NUP54: variants seen among roughly 807,000 people sequenced by gnomAD.
NUP54 encodes the protein nucleoporin 54.
In NUP54, 27 loss-of-function variants were observed where a neutral mutation model predicts 66.4. The ratio of observed to expected loss-of-function variants is 0.41; its 90% CI spans 0.30 to 0.56. The LOEUF is 0.56. Among genes scored for constraint, NUP54 ranks in the 20% least tolerant of loss-of-function variants. The pLI is 0.34. For missense variants in NUP54, 486 were observed against 596.3 expected, an observed-to-expected ratio of 0.82 and a Z score of 1.93; for synonymous variants, 206 against 210.7, an observed-to-expected ratio of 0.98 and a Z score of 0.19.
intron 3 of NUP54, among the ~76,000 whole-genome samples, chr4:76,141,887 T>TA (rs59605708): frequency 0.13 from 19,951 of 151,960 alleles, 1,541 homozygotes; most frequent in East Asian, 0.35. Flanking sequence ...ATTTATGCAT[T>TA]AAAAAAACTG....
At chr4:76,129,970 T>G (rs1488485444) in intron 8 of NUP54, among the ~76,000 whole-genome samples, 1 of 20,982 alleles carries the variant, frequency 4.8e-5, no homozygotes, top group African/African-American at 3.9e-4. Flanking sequence ...ATGAAAGTTT[T>G]TTTTTTTTTT....
intron 6 of NUP54, among the ~76,000 whole-genome samples, 153 bp from the exon 7 acceptor site, chr4:76,131,437 A>G (rs764346929): frequency 6.6e-6 from 1 of 152,108 alleles, no homozygotes; most frequent in Non-Finnish European, 1.5e-5. Flanking sequence ...AAATTTTTGC[A>G]GAATAAATAA....
At chr4:76,132,814 A>C in intron 5 of NUP54, 95 bp from the exon 6 acceptor site, 1 of 909,454 alleles carries the variant, frequency 1.1e-6, no homozygotes, top group South Asian at 1.8e-5. Context: ...GAAGGGTTTA[A>C]GTTGAATTCA....
rs746489551 is a variant in NUP54, at chr4:76,115,417, G to A, written c.1473C>T (p.Val491=). The A allele has an allele frequency of 1.5e-5, 24 of 1,610,816 alleles. No individual in the cohort carries two copies. The highest frequency in any genetic ancestry group is 1.1e-4 in the East Asian group (5 of 44,672). The change falls in exon 12 of 12, where the codon GTC becomes GTT. Residue 491 remains valine, a synonymous_variant. Coordinates refer to ENST00000264883, the MANE Select transcript of NUP54 (RefSeq NM_017426.4). ...GGATGGTTTCATTCAATCCATGTTC[G>A]ACCAGCTTTATATCTTCTAGATCGT... is the stretch of plus-strand genomic sequence containing the variant. The part of the protein sequence containing the change: ...IKDDLEDIKL[V]EHGLNETIHI...
At chr4:76,125,673 G>A (rs1403280588) in intron 8 of NUP54, among the ~76,000 whole-genome samples, 1 of 25,534 alleles carries the variant, frequency 3.9e-5, no homozygotes, top group East Asian at 4.7e-3. Context: ...GGGGAGAGAG[G>A]GAGAGAGGGA....
intron 3 of NUP54, 66 bp from the exon 4 acceptor site, chr4:76,136,478 C>T (rs867273291): frequency 1.2e-5 from 16 of 1,306,422 alleles, no homozygotes; most frequent in Middle Eastern, 3.8e-4. Context: ...AGATCCTAGG[C>T]GTGGTAGGCA....
In NUP54 at chr4:76,115,453, G is replaced by A. The variant is rs772238315; in HGVS notation, c.1437C>T (p.Ser479=). Residue 479 remains serine, a synonymous_variant, in exon 12 of 12, where the codon AGC becomes AGT. Coordinates refer to ENST00000264883, the MANE Select transcript of NUP54 (RefSeq NM_017426.4). ...QQQEGLSHLI[S]IIKDDLEDIK... is the part of the protein sequence containing the mutation. Reference sequence around the variant, plus strand: ...TATCTTCTAGATCGTCTTTAATGATGCTAATCAAATGGCTAAGGCCTTCCT... The same window carrying A: ...TATCTTCTAGATCGTCTTTAATGATACTAATCAAATGGCTAAGGCCTTCCT... 11 of 1,610,522 alleles carry A rather than the reference G, an allele frequency of 6.8e-6. No homozygotes were observed. In the Admixed American group the frequency reaches 1.5e-4, roughly 22 times the overall value.
intron 8 of NUP54, among the ~76,000 whole-genome samples, chr4:76,127,985 A>G (rs1244249898): frequency 6.6e-6 from 1 of 152,166 alleles, no homozygotes; most frequent in Admixed American, 6.5e-5. Flanking sequence ...ATAGGAATTT[A>G]AAGTACCAAT....
At chr4:76,125,619 GGAGAGGGAGAGGGGGA>G (rs1560678661) in intron 8 of NUP54, among the ~76,000 whole-genome samples, 1 of 82,206 alleles carries the variant, frequency 1.2e-5, no homozygotes, top group Non-Finnish European at 2.5e-5. Flanking sequence ...TGGGCAAGAG[GGAGAGGGAGAGGGGGA>G]GAGGGGGAGA....
intron 9 of NUP54, among the ~76,000 whole-genome samples, chr4:76,122,971 G>A (rs78448069): frequency 0.016 from 2,468 of 152,220 alleles, 55 homozygotes; most frequent in African/African-American, 0.054. Flanking sequence ...ACCATATATC[G>A]TTATGATTCC....
intron 9 of NUP54, among the ~76,000 whole-genome samples, chr4:76,122,553 G>A (rs776700058): frequency 2.0e-5 from 3 of 152,084 alleles, no homozygotes; most frequent in Non-Finnish European, 4.4e-5. Flanking sequence ...AGCATAATTT[G>A]CATCTCTTTA....
At chr4:76,143,387 C>T (rs34384134) in intron 3 of NUP54, among the ~76,000 whole-genome samples, 20,031 of 152,210 alleles carry the variant, frequency 0.13, 1,546 homozygotes, top group East Asian at 0.35. Context: ...AGGCAGATCA[C>T]GAGGTCAGGA....
chr4:76,144,351 T>C, intron 2 of NUP54, 39 bp downstream of exon 2: 1 of 1,597,170 alleles, frequency 6.3e-7, no homozygotes, highest in South Asian at 1.2e-5. Context: ...TGACCTCTAC[T>C]TCATTTACTT....
In NUP54 at chr4:76,144,136, A is replaced by G; in HGVS notation, c.295+13T>C. 6.2e-7 allele frequency: 1 copy of G among 1,612,910 alleles called. No homozygotes were observed. The highest frequency in any genetic ancestry group is 8.5e-7 in the Non-Finnish European group (1 of 1,179,590). Reference sequence around the variant, plus strand: ...CACGGTTTTGTATTTGAAGCTGAAAACCTCATACTTACTAGTTTGCTGCTG... The same window carrying G: ...CACGGTTTTGTATTTGAAGCTGAAAGCCTCATACTTACTAGTTTGCTGCTG... On this transcript the variant is annotated intron_variant, in intron 3 of 11. Transcript: ENST00000264883.
At position 76,130,679 on chromosome 4, in the gene NUP54, T is replaced by A; in HGVS notation, c.1033A>T (p.Lys345Ter). The A allele has an allele frequency of 6.2e-7, 1 of 1,613,420 alleles. No individual in the cohort carries two copies. The highest frequency in any genetic ancestry group is 8.5e-7 in the Non-Finnish European group (1 of 1,179,456). Reference sequence around the variant, plus strand: ...ACATCTAATCTGGTTTGATGCTGCTTAGTCATCTGATCTTGAACCTTCAGT... The same window carrying A: ...ACATCTAATCTGGTTTGATGCTGCTAAGTCATCTGATCTTGAACCTTCAGT... ...RRLKVQDQMT[K>*]QHQTRLDIIS... The change falls in exon 8 of 12, where the codon AAG becomes TAG. Residue 345 changes from lysine (K) to a stop codon, truncating the protein, a stop_gained. Coordinates refer to ENST00000264883, the MANE Select transcript of NUP54 (RefSeq NM_017426.4). LOFTEE classifies it high-confidence loss of function.
At chr4:76,124,073 A>T (rs996313173) in intron 9 of NUP54, among the ~76,000 whole-genome samples, 1 of 152,014 alleles carries the variant, frequency 6.6e-6, no homozygotes, top group Non-Finnish European at 1.5e-5. Flanking sequence ...CTAATTTAAC[A>T]TGAGTACTAA....
At position 76,132,512 on chromosome 4, in the gene NUP54, TA is replaced by T. The variant is rs1402476772; in HGVS notation, c.907+10del. On this transcript the variant is annotated intron_variant, in intron 6 of 11. Transcript: ENST00000264883. ...TCTTTTTTTTTGAACTCTGTGATTC[TA>T]GAAACATACCAGCAGGAGGATTCTG... The T allele has an allele frequency of 6.4e-7, 1 of 1,562,224 alleles. No individual in the cohort carries two copies. Among genetic ancestry groups the T allele is most frequent in the Non-Finnish European group, 8.7e-7 (1 of 1,154,012 alleles).
At chr4:76,125,878 CAGAG>C (rs1237329945) in intron 8 of NUP54, among the ~76,000 whole-genome samples, 4 of 96,664 alleles carry the variant, frequency 4.1e-5, no homozygotes, top group Non-Finnish European at 6.1e-5. Flanking sequence ...GAGAGAGAGA[CAGAG>C]AGAGAGGGAG....
At chr4:76,119,248 G>C (rs1286913545) in intron 9 of NUP54, among the ~76,000 whole-genome samples, 1 of 151,978 alleles carries the variant, frequency 6.6e-6, no homozygotes. Context: ...ATACCCCCAA[G>C]ACAAATAGTG....
Sources: gnomAD v4.1 joint callset for allele counts (sites outside exome capture counted in the v4.1 genomes callset) on GRCh38, gnomAD v4.1.1 for gene constraint, MANE v1.5 for transcripts, NCBI Gene and HGNC (gene_info 2026-07-23, HGNC 2026-07-21) for gene names.